The following FAM107A variants were observed in gnomAD, a reference collection of about 807,000 sequenced individuals.
FAM107A encodes family with sequence similarity 107 member A, also known as actin-associated protein FAM107A.
In FAM107A, 19 loss-of-function variants were observed where a neutral mutation model predicts 13.7. That is an observed-to-expected ratio of 1.38 (90% CI 0.97 to 2.03). The LOEUF is 2.03. Among genes scored for constraint, FAM107A ranks in the 30% most tolerant of loss-of-function variants. The probability of loss-of-function intolerance (pLI) is 0.00; values close to 1 mark genes in which losing one functional copy is unlikely to be tolerated. For missense variants in FAM107A, 203 were observed against 184.4 expected (o/e 1.10, Z -0.58); for synonymous variants, 82 against 74.5 (o/e 1.10, Z -0.52).
In FAM107A at chr3:58,566,702, G is replaced by A; in HGVS notation, c.328-7C>T. The A allele has an allele frequency of 3.7e-6, 6 of 1,607,270 alleles. No homozygotes were observed. Among genetic ancestry groups the A allele is most frequent in the Non-Finnish European group, 5.1e-6 (6 of 1,173,892 alleles). On this transcript the variant is annotated splice_region_variant and splice_polypyrimidine_tract_variant and intron_variant, in intron 3 of 3. Coordinates refer to ENST00000360997, the MANE Select transcript of FAM107A (RefSeq NM_001076778.3). ...TCTCTGGTGGTTTTTCCAGCTGAAGGAGGGAGAAGCAGAGAGTGAAGTGGG... is the reference window on the plus strand; with the variant it reads ...TCTCTGGTGGTTTTTCCAGCTGAAGAAGGGAGAAGCAGAGAGTGAAGTGGG...
Position 58,566,404 on chromosome 3 carries a change from T to C in FAM107A, c.*184A>G. 1 of 574,580 alleles carries C rather than the reference T, an allele frequency of 1.7e-6. No individual in the cohort carries two copies. The highest frequency in any genetic ancestry group is 3.1e-6 in the Non-Finnish European group (1 of 325,672). 35.6% of individuals were successfully genotyped at this position (574,580 alleles called of 1,614,324 possible). A position where few individuals can be genotyped will look rare whatever the true frequency, so the allele number is the denominator to read the frequency against. On this transcript the variant is annotated 3_prime_UTR_variant, in exon 4 of 4. Transcript: ENST00000360997. ...GGGCTGGGTGCTTGGAAGGAAAACC[T>C]AGGAGCTTAGGGGCCCCAGCCTCCC...
At chr3:58,627,265 A>G (rs954984577) in intron 1 of FAM107A, 28 of 473,032 alleles carry the variant, frequency 5.9e-5, no homozygotes, top group African/African-American at 5.3e-4. Context: ...GCAGCTCCTC[A>G]CCTCCCAGAA....
At chr3:58,580,771 G>T (rs1277320056), upstream of FAM107A, among the ~76,000 whole-genome samples, 1 of 151,700 alleles carries the variant, frequency 6.6e-6, no homozygotes, top group Non-Finnish European at 1.5e-5. Context: ...GAGGACCATT[G>T]TTCTACAGCG....
Position 58,566,618 on chromosome 3 carries a change from G to T in FAM107A, c.405C>A (p.Ala135=). The change falls in exon 4 of 4, where the codon GCC becomes GCA. Residue 135 remains alanine (A), a synonymous_variant. Coordinates refer to ENST00000360997, the MANE Select transcript of FAM107A (RefSeq NM_001076778.3). ...GCTCTCTCTCTTCGCTGGTCAGTGT[G>T]GCAATTCTCCGCAGGTTTTCCCTGA... The part of the protein sequence containing the change: ...IKVRENLRRI[A]TLTSEEREL The T allele has an allele frequency of 3.7e-6, 6 of 1,613,888 alleles. No individual in the cohort carries two copies. The highest frequency in any genetic ancestry group is 5.1e-6 in the Non-Finnish European group (6 of 1,179,880).
intron 1 of FAM107A, among the ~76,000 whole-genome samples, chr3:58,614,870 A>T (rs2065886986): frequency 6.6e-6 from 1 of 151,904 alleles, no homozygotes; most frequent in African/African-American, 2.4e-5. Flanking sequence ...CAATGGCACG[A>T]TCTTGGCTCA....
At chr3:58,599,583 G>A (rs2065735000) in intron 1 of FAM107A, among the ~76,000 whole-genome samples, 1 of 152,020 alleles carries the variant, frequency 6.6e-6, no homozygotes, top group South Asian at 2.1e-4. Context: ...GGAAGGGGCA[G>A]GAGGGACTTC....
chr3:58,571,213 C>T (rs536488900), intron 1 of FAM107A, among the ~76,000 whole-genome samples: 43 of 152,274 alleles, frequency 2.8e-4, no homozygotes, highest in East Asian at 1.5e-3. Context: ...TACTTTGCAA[C>T]GGTGGCCACC....
intron 1 of FAM107A, among the ~76,000 whole-genome samples, chr3:58,615,095 C>T (rs62250319): frequency 0.13 from 19,960 of 152,242 alleles, 1,760 homozygotes; most frequent in African/African-American, 0.25. Context: ...CGTGAGCCAC[C>T]ACGTCTGGCC....
intron 1 of FAM107A, among the ~76,000 whole-genome samples, chr3:58,614,160 A>G (rs1405334373): frequency 1.3e-5 from 2 of 152,232 alleles, no homozygotes; most frequent in Non-Finnish European, 2.9e-5. Flanking sequence ...CCAGACTTAC[A>G]GAGAGGAGGT....
rs1481336465 is a variant in FAM107A, at chr3:58,566,353, T to C, written c.*235A>G. Reference sequence around the variant, plus strand: ...GCTCTGAACCCCTTGCAGGGAGGGGTGCAGGTTATCCCTCTTGGAGCAGGA... The same window carrying C: ...GCTCTGAACCCCTTGCAGGGAGGGGCGCAGGTTATCCCTCTTGGAGCAGGA... On this transcript the variant is annotated 3_prime_UTR_variant, in exon 4 of 4. Coordinates refer to ENST00000360997, the MANE Select transcript of FAM107A (RefSeq NM_001076778.3). 1.2e-5 allele frequency: 6 copies of C among 505,788 alleles called. No homozygotes were observed. The highest frequency in any genetic ancestry group is 2.1e-5 in the Non-Finnish European group (6 of 286,934). 31.3% of individuals were successfully genotyped at this position (505,788 alleles called of 1,614,324 possible).
At chr3:58,590,991 C>G (rs537828650), upstream of FAM107A, among the ~76,000 whole-genome samples, 1 of 152,344 alleles carries the variant, frequency 6.6e-6, no homozygotes, top group Admixed American at 6.5e-5. Flanking sequence ...CCTACAAGGC[C>G]TCTGCAGCCT....
Position 58,569,633 on chromosome 3 carries a change from C to A in FAM107A, c.170+58G>T. Reference sequence around the variant, plus strand: ...TCTGCTTTCCTCCAGGGTCACCTTCCCCATCCCCCACAGGCCCAGGTGCTT... The same window carrying A: ...TCTGCTTTCCTCCAGGGTCACCTTCACCATCCCCCACAGGCCCAGGTGCTT... On this transcript the variant is annotated intron_variant, in intron 2 of 3. Coordinates refer to ENST00000360997, the MANE Select transcript of FAM107A (RefSeq NM_001076778.3). This position sits in a 1 kb window ranked among gnomAD's most constrained non-coding sequence, Gnocchi z 5.7. The A allele has an allele frequency of 7.0e-7, 1 of 1,437,368 alleles. No individual in the cohort carries two copies. Among genetic ancestry groups the A allele is most frequent in the South Asian group, 1.3e-5 (1 of 77,324 alleles). 89.0% of individuals were successfully genotyped at this position (1,437,368 alleles called of 1,614,324 possible). A position where few individuals can be genotyped will look rare whatever the true frequency, so the allele number is the denominator to read the frequency against.
intron 1 of FAM107A, among the ~76,000 whole-genome samples, chr3:58,570,812 T>C (rs908092052): frequency 7.2e-5 from 11 of 152,350 alleles, no homozygotes; most frequent in Middle Eastern, 3.4e-3. Context: ...CAGTGTCTGG[T>C]CTGGTATGCA....
chr3:58,589,213 AT>A (rs1344965043), upstream of FAM107A: 12 of 1,533,972 alleles, frequency 7.8e-6, no homozygotes, highest in Non-Finnish European at 1.0e-5. Flanking sequence ...TACCTGAGCC[AT>A]TTCGTCTCTG....
intron 1 of FAM107A, chr3:58,574,274 C>A (rs2063712137): frequency 6.6e-6 from 1 of 152,230 alleles, no homozygotes; most frequent in Non-Finnish European, 1.5e-5. Context: ...GGCATCACCA[C>A]AGGAAGTTTC....
intron 1 of FAM107A, among the ~76,000 whole-genome samples, chr3:58,570,586 A>AGG (rs2063672206): frequency 5.1e-5 from 1 of 19,656 alleles, no homozygotes; most frequent in Non-Finnish European, 8.1e-5. Context: ...AATACAGCAG[A>AGG]GAGAGAGAGA....
At position 58,613,050 on chromosome 3, in the gene FAM107A, C is replaced by T. The variant is rs2065869239; in HGVS notation, c.-70+14366G>A. Among the ~76,000 whole-genome samples, 1 of 152,126 alleles carries T rather than the reference C, an allele frequency of 6.6e-6. No individual in the cohort carries two copies. The highest frequency in any genetic ancestry group is 1.5e-5 in the Non-Finnish European group (1 of 68,020). The stretch of plus-strand genomic sequence containing the variant: ...ACCTCCTCCAATGGGGCTTCAGTCA[C>T]CACCTCTCTGGAAGGTGATGATGGT... On this transcript the variant is annotated intron_variant, in intron 1 of 3. Coordinates refer to the FAM107A transcript ENST00000465970. This position sits in a 1 kb window ranked among gnomAD's most constrained non-coding sequence, Gnocchi z 4.6.
At chr3:58,583,345 G>A (rs562626114) in intron 1 of FAM107A, among the ~76,000 whole-genome samples, 20 of 152,280 alleles carry the variant, frequency 1.3e-4, no homozygotes, top group South Asian at 1.0e-3. Flanking sequence ...TATTTTAGCC[G>A]GGTGCGGTGG....
Position 58,569,853 on chromosome 3 carries a change from G to A in FAM107A, c.8C>T (p.Ser3Leu), listed in dbSNP as rs960131861. Residue 3 changes from serine to leucine, a missense_variant, in exon 2 of 4, where the codon TCG becomes TTG. By Grantham distance (145) the Ser-to-Leu change is moderately radical. Coordinates refer to ENST00000360997, the MANE Select transcript of FAM107A (RefSeq NM_001076778.3). The surrounding 1 kb of genome is among the most constrained non-coding windows in gnomAD (Gnocchi z 5.7). The part of the protein sequence containing the change: MY[S>L]EIQRERADIG... ...GTCTGCCCGCTCCCTCTGGATCTCCGAGTACATGGCGGCTGTAGAGATGGG... is the reference window on the plus strand; with the variant it reads ...GTCTGCCCGCTCCCTCTGGATCTCCAAGTACATGGCGGCTGTAGAGATGGG... 2.5e-6 allele frequency: 4 copies of A among 1,613,926 alleles called. No individual in the cohort carries two copies. Among genetic ancestry groups the A allele is most frequent in the Non-Finnish European group, 3.4e-6 (4 of 1,179,940 alleles).
Sources: gnomAD v4.1 joint callset for allele counts (sites outside exome capture counted in the v4.1 genomes callset) on GRCh38, gnomAD v4.1.1 for gene constraint, Gnocchi (gnomAD v3.1) non-coding constraint, MANE v1.5 for transcripts, NCBI Gene and HGNC (gene_info 2026-07-23, HGNC 2026-07-21) for gene names.